Variants in CD209 observed in about 807,000 individuals in gnomAD.
CD209 encodes the protein CD209 molecule, also known as CD209 antigen.
In CD209, 31 loss-of-function variants were observed where a neutral mutation model predicts 44.7. The ratio of observed to expected loss-of-function variants is 0.69; its 90% CI spans 0.52 to 0.94. CD209 has a LOEUF of 0.94. Ranked by LOEUF, CD209 falls within the 40% of genes least tolerant of loss-of-function variation. The pLI, the probability that CD209 is intolerant of heterozygous loss-of-function variation, is 0.00. For synonymous variants in CD209, 173 were observed against 181.3 expected (o/e 0.95, Z 0.37); for missense variants, 407 against 452.4 (o/e 0.90, Z 0.91).
rs557911139 is a variant in CD209, at chr19:7,746,451, G to A, written c.178+9C>T. Reference sequence around the variant, plus strand: ...TGGGGACCCCAGACCCTCAGAACCTGCCCCTGACCTTGGACAAGGAGCCCA... The same window carrying A: ...TGGGGACCCCAGACCCTCAGAACCTACCCCTGACCTTGGACAAGGAGCCCA... On this transcript the variant is annotated intron_variant, in intron 3 of 6. Coordinates refer to ENST00000315599, the MANE Select transcript of CD209 (RefSeq NM_021155.4). The A allele has an allele frequency of 1.9e-5, 30 of 1,613,714 alleles. No homozygotes were observed. In the East Asian group the frequency reaches 4.7e-4, roughly 25 times the overall value.
Position 7,741,764 on chromosome 19 carries a change from C to T in CD209, c.*1275G>A, listed in dbSNP as rs535014704. The T allele has an allele frequency of 2.0e-3, 1,118 of 551,834 alleles. 9 individuals are homozygous for T. Among genetic ancestry groups the T allele is most frequent in the South Asian group, 0.011 (711 of 65,230 alleles). The allele number at this position is 551,834 out of a possible 1,614,324, so 34.2% of individuals were successfully genotyped here. The stretch of plus-strand genomic sequence containing the variant: ...AAGAGGAAAACACTGCAACTTTCTT[C>T]AGGTGTTGAGAAATCCAATAGAGAC... On this transcript the variant is annotated 3_prime_UTR_variant, in exon 7 of 7. Coordinates refer to ENST00000315599, the MANE Select transcript of CD209 (RefSeq NM_021155.4).
rs753730847 is a variant in CD209 at position 7,741,082 on chromosome 19, G to A, written c.*1957C>T. ...GTTTGGAAAGGAGCAGTGCAGGAGG[G>A]ATGACTATGACTCCGAAGCAAGCCT... On this transcript the variant is annotated 3_prime_UTR_variant, in exon 7 of 7. Coordinates refer to ENST00000315599, the MANE Select transcript of CD209 (RefSeq NM_021155.4). 3.4e-6 allele frequency: 3 copies of A among 887,274 alleles called. No homozygotes were observed. Among genetic ancestry groups the A allele is most frequent in the South Asian group, 1.4e-5 (1 of 72,992 alleles). The allele number at this position is 887,274 out of a possible 1,614,324, so 55.0% of individuals were successfully genotyped here.
intron 6 of CD209, 142 bp from the exon 7 acceptor site, chr19:7,743,382 C>T (rs1372616151): frequency 4.0e-6 from 3 of 752,136 alleles, no homozygotes; most frequent in Non-Finnish European, 6.9e-6. Flanking sequence ...TGATAATATG[C>T]CTGACTCACG....
chr19:7,746,276 C>T (rs1178730455), intron 3 of CD209, among the ~76,000 whole-genome samples, 184 bp downstream of exon 3: 3 of 152,132 alleles, frequency 2.0e-5, no homozygotes, highest in African/African-American at 7.2e-5. Context: ...TCCTGTCCTC[C>T]TCCTCCTCCC....
chr19:7,746,582 C>G (rs762637062), intron 2 of CD209, 51 bp from the exon 3 acceptor site: 3 of 1,582,988 alleles, frequency 1.9e-6, no homozygotes, highest in South Asian at 2.2e-5. Context: ...CGGAGCCTGG[C>G]CCAGGGAGAG....
intron 6 of CD209, 111 bp downstream of exon 6, chr19:7,743,996 A>T (rs77377087): frequency 0.013 from 10,842 of 864,256 alleles, 420 homozygotes; most frequent in African/African-American, 0.12. Context: ...TAAAACCTCC[A>T]GATTCTTGGG....
chr19:7,740,707 TAAAG>T lies in CD209; in HGVS notation c.*2328_*2331del, dbSNP rs2146310240. On this transcript the variant is annotated 3_prime_UTR_variant, in exon 7 of 7. Coordinates refer to ENST00000315599, the MANE Select transcript of CD209 (RefSeq NM_021155.4). Reference sequence around the variant, plus strand: ...CAGAAGGCACAAGAAGAATTCAGAATAAAGAAGGAAAAGGAAGAGGTGGCTAGAA... The same window carrying T: ...CAGAAGGCACAAGAAGAATTCAGAATAAGGAAAAGGAAGAGGTGGCTAGAA... The T allele has an allele frequency of 1.3e-6, 1 of 771,360 alleles. No individual in the cohort carries two copies. Among genetic ancestry groups the T allele is most frequent in the East Asian group, 2.4e-5 (1 of 40,938 alleles). 47.8% of individuals were successfully genotyped at this position (771,360 alleles called of 1,614,324 possible). A position where few individuals can be genotyped will look rare whatever the true frequency, so the allele number is the denominator to read the frequency against.
chr19:7,740,607 A>G lies in CD209; in HGVS notation c.*2432T>C, dbSNP rs1428102433. 1 of 808,282 alleles carries G rather than the reference A, an allele frequency of 1.2e-6. No homozygotes were observed. Among genetic ancestry groups the G allele is most frequent in the African/African-American group, 1.7e-5 (1 of 59,422 alleles). 50.1% of individuals were successfully genotyped at this position (808,282 alleles called of 1,614,324 possible). On this transcript the variant is annotated 3_prime_UTR_variant, in exon 7 of 7. Transcript: ENST00000315599. The stretch of plus-strand genomic sequence containing the variant: ...CTCACAGAAAGAGGAGGACACTTTT[A>G]TTGAAAAACAACAACTAGAAAAGCT...
rs11465410 is a variant in CD209, at chr19:7,741,193, T to A, written c.*1846A>T. On this transcript the variant is annotated 3_prime_UTR_variant, in exon 7 of 7. Transcript: ENST00000315599. ...CGAGTTCAAGAACGTGGGGAGAGAC[T>A]GGGCGCGGTGGCTCAGGCCTGTAAT... 9.0e-5 allele frequency: 74 copies of A among 822,014 alleles called. No individual in the cohort carries two copies. The highest frequency in any genetic ancestry group is 3.8e-4 in the African/African-American group (22 of 58,200). 50.9% of individuals were successfully genotyped at this position (822,014 alleles called of 1,614,324 possible).
intron 6 of CD209, 56 bp downstream of exon 6, chr19:7,744,051 A>G: frequency 7.1e-7 from 1 of 1,402,072 alleles, no homozygotes; most frequent in South Asian, 1.2e-5. Flanking sequence ...GGAAAGTTCA[A>G]ATCAGAGTTT....
chr19:7,744,865 T>G, intron 5 of CD209, 76 bp downstream of exon 5: 1 of 1,572,918 alleles, frequency 6.4e-7, no homozygotes, highest in Non-Finnish European at 8.7e-7. Flanking sequence ...TTCTGCAAAG[T>G]CATCTCTGAG....
At position 7,743,158 on chromosome 19, in the gene CD209, C is replaced by T. The variant is rs947025444; in HGVS notation, c.1096G>A (p.Asp366Asn). Residue 366 changes from aspartate to asparagine, a missense_variant, in exon 7 of 7, where the codon GAC (aspartate) becomes AAC (asparagine). Physicochemically the swap from Asp to Asn is conservative, Grantham distance 23. Transcript: ENST00000315599. The part of the protein sequence containing the change: ...CAEFSGNGWN[D>N]DKCNLAKFWI... ...AATTTGGCAAGATTACATTTGTCGTCGTTCCAGCCATTGCCACTAAATTCC... is the reference window on the plus strand; with the variant it reads ...AATTTGGCAAGATTACATTTGTCGTTGTTCCAGCCATTGCCACTAAATTCC... The T allele has an allele frequency of 2.0e-5, 32 of 1,614,044 alleles. No individual in the cohort carries two copies. Among genetic ancestry groups the T allele is most frequent in the Non-Finnish European group, 2.5e-5 (29 of 1,180,010 alleles).
At position 7,742,706 on chromosome 19, in the gene CD209, T is replaced by G; in HGVS notation, c.*333A>C. Reference sequence around the variant, plus strand: ...AGGTGGTAGGTGGAAGTTGAACAGATGGTAGGTTTGCATGTATAAGATAAC... The same window carrying G: ...AGGTGGTAGGTGGAAGTTGAACAGAGGGTAGGTTTGCATGTATAAGATAAC... On this transcript the variant is annotated 3_prime_UTR_variant, in exon 7 of 7. Coordinates refer to ENST00000315599, the MANE Select transcript of CD209 (RefSeq NM_021155.4). 2 of 314,600 alleles carry G rather than the reference T, an allele frequency of 6.4e-6. No individual in the cohort carries two copies. The highest frequency in any genetic ancestry group is 1.2e-5 in the Non-Finnish European group (2 of 166,780). 19.5% of individuals were successfully genotyped at this position (314,600 alleles called of 1,614,324 possible).
intron 6 of CD209, 131 bp downstream of exon 6, chr19:7,743,976 C>T (rs1163893756): frequency 6.8e-6 from 5 of 732,202 alleles, no homozygotes; most frequent in Non-Finnish European, 4.6e-6. Context: ...GACCACCTTC[C>T]TCAACTCAGT....
chr19:7,741,049 T>C lies in CD209; in HGVS notation c.*1990A>G. ...TCCTACCCTTCTTATTAAAAGCATG[T>C]TTACAGTGTTTGGAAAGGAGCAGTG... On this transcript the variant is annotated 3_prime_UTR_variant, in exon 7 of 7. Transcript: ENST00000315599. 1.3e-6 allele frequency: 1 copy of C among 785,532 alleles called. No individual in the cohort carries two copies. The highest frequency in any genetic ancestry group is 2.0e-5 in the Admixed American group (1 of 50,226). The allele number at this position is 785,532 out of a possible 1,614,324, so 48.7% of individuals were successfully genotyped here.
rs759390544 is a variant in CD209 at position 7,747,360 on chromosome 19, C to T, written c.52G>A (p.Glu18Lys). The T allele has an allele frequency of 2.5e-6, 4 of 1,614,236 alleles. No homozygotes were observed. The South Asian group carries it at 4.4e-5, about 18-fold the overall frequency. Residue 18 changes from glutamate to lysine, a missense_variant, in exon 2 of 7, where the codon GAA becomes AAA. Physicochemically the swap from Glu to Lys is moderately conservative, Grantham distance 56 (BLOSUM62 1). Around this residue, in one of 3 missense-constraint regions of CD209, gnomAD observed 122 missense variants for 110.3 expected, o/e 1.11. Coordinates refer to ENST00000315599, the MANE Select transcript of CD209 (RefSeq NM_021155.4). ...CGGAATCCAAGGCCTCTCAGCTGTT[C>T]CTCCTCTGAATGGATAGACGTGAAA... ...RLQQLGLLEE[E>K]QLRGLGFRQT... is the part of the protein sequence containing the mutation.
At position 7,746,080 on chromosome 19, in the gene CD209, C is replaced by T; in HGVS notation, c.186G>A (p.Lys62=). 1.2e-6 allele frequency: 2 copies of T among 1,613,942 alleles called. No homozygotes were observed. The highest frequency in any genetic ancestry group is 1.7e-6 in the Non-Finnish European group (2 of 1,179,846). Residue 62 remains lysine (K), a synonymous_variant, in exon 4 of 7, where the codon AAG becomes AAA. Transcript: ENST00000315599. ...GTTCCTGACTTATGGAGCTGGGGAC[C>T]TTGGACACTGGGCCAAGAAAAAAAA... ...LLAGLLVQVS[K]VPSSISQEQS...
chr19:7,740,821 A>G lies in CD209; in HGVS notation c.*2218T>C. 1 of 758,594 alleles carries G rather than the reference A, an allele frequency of 1.3e-6. No individual in the cohort carries two copies. Among genetic ancestry groups the G allele is most frequent in the Non-Finnish European group, 2.5e-6 (1 of 407,904 alleles). 47.0% of individuals were successfully genotyped at this position (758,594 alleles called of 1,614,324 possible). On this transcript the variant is annotated 3_prime_UTR_variant, in exon 7 of 7. Transcript: ENST00000315599. The stretch of plus-strand genomic sequence containing the variant: ...AGAGAGGAGGAGGAACAGAAACGAC[A>G]GAAGAAACAAAAACCGGAAGCTGTC...
intron 3 of CD209, 66 bp downstream of exon 3, chr19:7,746,394 C>T: frequency 6.5e-7 from 1 of 1,541,434 alleles, no homozygotes; most frequent in Non-Finnish European, 9.0e-7. Context: ...ATCTGGCAGC[C>T]CCAGGCTGTG....
Sources: gnomAD v4.1 joint callset for allele counts (sites outside exome capture counted in the v4.1 genomes callset) on GRCh38, gnomAD v4.1.1 for gene constraint, gnomAD v4.1.1 regional missense constraint, MANE v1.5 for transcripts, NCBI Gene and HGNC (gene_info 2026-07-23, HGNC 2026-07-21) for gene names.